Variants in ZSCAN25 observed in about 807,000 individuals in gnomAD.
The protein encoded by ZSCAN25 is zinc finger and SCAN domain-containing protein 25.
ZSCAN25 carries 27 observed loss-of-function variants against 38.7 expected under a neutral mutation model. That is an observed-to-expected ratio of 0.70 (90% CI 0.51 to 0.96). The LOEUF (loss-of-function observed/expected upper bound fraction) is 0.96, where lower values mean the gene tolerates loss of function less well. Ranked by LOEUF, ZSCAN25 falls within the 40% of genes least tolerant of loss-of-function variation. The pLI is 0.00. For missense variants in ZSCAN25, 637 were observed against 705.9 expected (o/e 0.90, Z 1.11); for synonymous variants, 273 against 277.7 (o/e 0.98, Z 0.17).
At chr7:99,623,905 G>C in intron 6 of ZSCAN25, 152 bp from the exon 7 acceptor site, 1 of 1,076,690 alleles carries the variant, frequency 9.3e-7, no homozygotes, top group South Asian at 1.5e-5. Flanking sequence ...CCCAGCCACA[G>C]AGGCTCACAA....
chr7:99,715,952 CA>C, the ZSCAN25 span: 1 of 1,612,292 alleles, frequency 6.2e-7, no homozygotes, highest in East Asian at 2.2e-5. Context: ...ACCTCTTTAC[CA>C]TCCTTCCTCT....
the ZSCAN25 span, among the ~76,000 whole-genome samples, chr7:99,664,488 C>G: frequency 6.6e-6 from 1 of 152,184 alleles, no homozygotes; most frequent in Non-Finnish European, 1.5e-5. Context: ...TGTACATCAA[C>G]TTCCATGGAA....
the ZSCAN25 span, chr7:99,713,381 C>G: frequency 2.4e-5 from 38 of 1,586,566 alleles, no homozygotes; most frequent in Non-Finnish European, 1.7e-5. Flanking sequence ...AAATTCTCAT[C>G]TACCTGGAAT....
At chr7:99,691,495 G>A in the ZSCAN25 span, among the ~76,000 whole-genome samples, 1 of 152,148 alleles carries the variant, frequency 6.6e-6, no homozygotes, top group African/African-American at 2.4e-5. Flanking sequence ...TGACAATGGG[G>A]TGTTAAAGCC....
At chr7:99,634,099 G>A (rs1808168751), downstream of ZSCAN25, among the ~76,000 whole-genome samples, 1 of 152,178 alleles carries the variant, frequency 6.6e-6, no homozygotes, top group South Asian at 2.1e-4. Flanking sequence ...CACCTTCAGT[G>A]TCTGGCTGCA....
the ZSCAN25 span, chr7:99,735,272 C>T: frequency 1.3e-6 from 1 of 795,768 alleles, no homozygotes; most frequent in Non-Finnish European, 2.0e-6. Context: ...TAGCAGGGCC[C>T]CCGTGCTCTG....
At chr7:99,715,628 A>G in the ZSCAN25 span, 3 of 1,490,596 alleles carry the variant, frequency 2.0e-6, no homozygotes, top group South Asian at 1.2e-5. Flanking sequence ...ATGGTCGTAC[A>G]TATCTTCAAA....
chr7:99,691,629 A>T, the ZSCAN25 span, among the ~76,000 whole-genome samples: 6 of 152,052 alleles, frequency 3.9e-5, no homozygotes, highest in East Asian at 1.2e-3. Flanking sequence ...TGTTGAATTG[A>T]TCCCTTTATC....
intron 7 of ZSCAN25, chr7:99,624,563 T>C: frequency 4.6e-6 from 1 of 215,466 alleles, no homozygotes; most frequent in Non-Finnish European, 9.6e-6. Context: ...GTGTTAGTGG[T>C]TTTCTCTTGC....
chr7:99,656,733 CT>C, the ZSCAN25 span, among the ~76,000 whole-genome samples: 3 of 152,144 alleles, frequency 2.0e-5, no homozygotes, highest in Admixed American at 6.5e-5. Context: ...GGTTGGTAAG[CT>C]ATTAATTATT....
chr7:99,685,396 C>A, the ZSCAN25 span, among the ~76,000 whole-genome samples: 2 of 152,238 alleles, frequency 1.3e-5, no homozygotes, highest in East Asian at 3.9e-4. Context: ...CAAAGATGTT[C>A]CAAGGAAAAT....
intron 7 of ZSCAN25, among the ~76,000 whole-genome samples, chr7:99,624,942 T>C (rs116338467): frequency 0.012 from 1,884 of 152,270 alleles, 39 homozygotes; most frequent in African/African-American, 0.042. Context: ...GGCCTGTCCT[T>C]GTTCTTTGAT....
chr7:99,723,586 A>C, the ZSCAN25 span, among the ~76,000 whole-genome samples: 3 of 152,136 alleles, frequency 2.0e-5, no homozygotes, highest in African/African-American at 4.8e-5. Flanking sequence ...TTTGGTGCCA[A>C]AGACCTGGGA....
chr7:99,716,999 G>C, the ZSCAN25 span, among the ~76,000 whole-genome samples: 2 of 152,164 alleles, frequency 1.3e-5, no homozygotes, highest in African/African-American at 4.8e-5. Context: ...TTTTCCTCCA[G>C]CTGCCCCACC....
chr7:99,669,159 T>G, the ZSCAN25 span, among the ~76,000 whole-genome samples: 5 of 152,218 alleles, frequency 3.3e-5, no homozygotes, highest in African/African-American at 1.2e-4. Context: ...GAAGGAAGAT[T>G]GTTCAATGAA....
chr7:99,648,152 G>T, the ZSCAN25 span: 1 of 1,393,076 alleles, frequency 7.2e-7, no homozygotes, highest in Non-Finnish European at 9.4e-7. Context: ...CAGACTCTGG[G>T]AGAGCTCAAT....
At chr7:99,680,028 T>C in the ZSCAN25 span, 1 of 783,882 alleles carries the variant, frequency 1.3e-6, no homozygotes, top group Admixed American at 2.0e-5. Flanking sequence ...AAGATTTATG[T>C]GCTGGAGAAG....
At chr7:99,680,659 C>T in the ZSCAN25 span, among the ~76,000 whole-genome samples, 3 of 152,156 alleles carry the variant, frequency 2.0e-5, no homozygotes, top group South Asian at 2.1e-4. Context: ...GATTGCTGGG[C>T]GTCTCATCCC....
the ZSCAN25 span, chr7:99,716,022 C>A: frequency 1.3e-6 from 2 of 1,591,898 alleles, no homozygotes; most frequent in South Asian, 1.1e-5. Context: ...CACAGACTTT[C>A]AGAACTATTT....
Sources: allele counts gnomAD v4.1 joint callset (sites outside exome capture counted in the v4.1 genomes callset), GRCh38; gene constraint gnomAD v4.1.1; transcripts MANE v1.5; gene names NCBI Gene and HGNC (gene_info 2026-07-23, HGNC 2026-07-21).